SMARCA1: variants seen among roughly 807,000 people sequenced by gnomAD.
SMARCA1 encodes SNF2 related chromatin remodeling ATPase 1.
In SMARCA1, 17 loss-of-function variants were observed where a neutral mutation model predicts 93.6. That is an observed-to-expected ratio of 0.18 (90% CI 0.12 to 0.27). The LOEUF (loss-of-function observed/expected upper bound fraction) is 0.27, where lower values mean the gene tolerates loss of function less well. Among genes scored for constraint, SMARCA1 ranks in the 10% least tolerant of loss-of-function variants. SMARCA1 has a pLI of 1.00. For synonymous variants in SMARCA1, 271 were observed against 271.4 expected, an observed-to-expected ratio of 1.00 and a Z score of 0.01; for missense variants, 630 against 819.0, an observed-to-expected ratio of 0.77 and a Z score of 2.82.
At chrX:129,463,934 A>G (rs911709812) in intron 23 of SMARCA1, among the ~76,000 whole-genome samples, 1 of 111,776 alleles carries the variant, frequency 8.9e-6, no homozygotes, top group Non-Finnish European at 1.9e-5. Context: ...GTGAAACTCC[A>G]TCTCAAAATA....
At chrX:129,452,200 C>T (rs1050846549) in intron 23 of SMARCA1, among the ~76,000 whole-genome samples, 3 of 112,404 alleles carry the variant, frequency 2.7e-5, no homozygotes, top group Non-Finnish European at 5.6e-5. Context: ...TCTATAATTT[C>T]TCCTTTCATA....
chrX:129,502,273 G>A (rs1023327925), intron 9 of SMARCA1, among the ~76,000 whole-genome samples: 2 of 111,567 alleles, frequency 1.8e-5, no homozygotes, highest in South Asian at 3.8e-4. Context: ...GATCCCCAGG[G>A]AGAGCATGTA....
In SMARCA1 at chrX:129,473,921, T is replaced by C. The variant is rs748391231; in HGVS notation, c.2443-2595A>G. ...GTGAAAAAACATTGAATGGTACACT[T>C]AAGGTTTATATATTTCACTCTATGT... On this transcript the variant is annotated intron_variant, in intron 19 of 24. Coordinates refer to ENST00000371121, the MANE Select transcript of SMARCA1 (RefSeq NM_001282874.2). Among the ~76,000 whole-genome samples the C allele has an allele frequency of 6.3e-5, 7 of 111,598 alleles. No individual in the cohort carries two copies. The South Asian group carries it at 2.3e-3, about 36-fold the overall frequency.
chrX:129,494,294 T>C (rs996909306), intron 12 of SMARCA1, among the ~76,000 whole-genome samples: 1 of 111,699 alleles, frequency 9.0e-6, no homozygotes, highest in Admixed American at 9.5e-5. Flanking sequence ...TTATTTAGTA[T>C]GGATTCAGGG....
At chrX:129,488,373 C>A (rs772642081) in intron 16 of SMARCA1, among the ~76,000 whole-genome samples, 43 of 105,981 alleles carry the variant, frequency 4.1e-4, no homozygotes, top group African/African-American at 1.3e-3. Flanking sequence ...CTTTGGGAGG[C>A]AGAGGTGGGA....
chrX:129,447,310 T>C lies in SMARCA1; in HGVS notation c.3142-77A>G, dbSNP rs1932054222. Reference sequence around the variant, plus strand: ...GCCCAACAATGTTAAATCTAGGATGTAAATGCATTAAAAAAAAATTTTAAC... The same window carrying C: ...GCCCAACAATGTTAAATCTAGGATGCAAATGCATTAAAAAAAAATTTTAAC... On this transcript the variant is annotated intron_variant, in intron 24 of 24. Transcript: ENST00000371121. 3 of 1,034,145 alleles carry C rather than the reference T, an allele frequency of 2.9e-6. No individual in the cohort carries two copies. In the African/African-American group the frequency reaches 5.8e-5, roughly 20 times the overall value. 85.2% of individuals were successfully genotyped at this position (1,034,145 alleles called of 1,213,427 possible).
intron 19 of SMARCA1, among the ~76,000 whole-genome samples, chrX:129,480,216 T>C (rs1200812082): frequency 1.8e-5 from 2 of 112,222 alleles, no homozygotes; most frequent in Non-Finnish European, 3.8e-5. Flanking sequence ...CATTTTAAAA[T>C]TGTATAATTC....
intron 23 of SMARCA1, among the ~76,000 whole-genome samples, chrX:129,461,217 A>G (rs1431207365): frequency 8.9e-6 from 1 of 111,972 alleles, no homozygotes; most frequent in Non-Finnish European, 1.9e-5. Context: ...TGGCTGGAAA[A>G]GGAAAAATCT....
chrX:129,519,799 A>G (rs1935324315), intron 1 of SMARCA1, among the ~76,000 whole-genome samples: 2 of 111,945 alleles, frequency 1.8e-5, no homozygotes, highest in African/African-American at 6.5e-5. Context: ...CAACAAGAAA[A>G]ATTGGGTATC....
At chrX:129,511,369 GTGTAC>G in intron 6 of SMARCA1, among the ~76,000 whole-genome samples, 1 of 112,053 alleles carries the variant, frequency 8.9e-6, no homozygotes, top group Admixed American at 9.5e-5. Context: ...ATATGCGTGT[GTGTAC>G]ACCAAGTCAA....
At chrX:129,462,832 C>T (rs752322169) in intron 23 of SMARCA1, among the ~76,000 whole-genome samples, 135 of 107,656 alleles carry the variant, frequency 1.3e-3, no homozygotes, top group African/African-American at 4.4e-3. Flanking sequence ...TTACATTTCT[C>T]GGTAAAGAAA....
chrX:129,504,569 A>AAAAAAAAAAAAAAAAAC (rs1934724896), intron 9 of SMARCA1, among the ~76,000 whole-genome samples, 165 bp downstream of exon 9: 1 of 98,383 alleles, frequency 1.0e-5, no homozygotes, highest in African/African-American at 4.1e-5. Flanking sequence ...AAAAAAAAAA[A>AAAAAAAAAAAAAAAAAC]AAAAAAAAAA....
chrX:129,479,126 G>A (rs928511379), intron 19 of SMARCA1, among the ~76,000 whole-genome samples: 2 of 111,773 alleles, frequency 1.8e-5, no homozygotes, highest in African/African-American at 6.5e-5. Flanking sequence ...ATTATAAAAT[G>A]TTCTATGCAA....
intron 17 of SMARCA1, among the ~76,000 whole-genome samples, chrX:129,485,753 A>G (rs987552369): frequency 5.4e-5 from 6 of 111,103 alleles, no homozygotes; most frequent in African/African-American, 1.6e-4. Flanking sequence ...CTCTCATTCT[A>G]TTAGTTCCTG....
At chrX:129,447,587 G>T (rs1198326988) in intron 24 of SMARCA1, among the ~76,000 whole-genome samples, 1 of 111,237 alleles carries the variant, frequency 9.0e-6, no homozygotes, top group East Asian at 2.8e-4. Context: ...CTTATGATAG[G>T]TTTTAACATA....
At chrX:129,456,292 A>T (rs1418341695) in intron 23 of SMARCA1, among the ~76,000 whole-genome samples, 2 of 111,715 alleles carry the variant, frequency 1.8e-5, no homozygotes, top group Non-Finnish European at 3.8e-5. Flanking sequence ...TCCTCAAAAA[A>T]AGATTCCTTT....
chrX:129,475,309 AG>A (rs1356409047), intron 19 of SMARCA1, among the ~76,000 whole-genome samples: 1 of 110,344 alleles, frequency 9.1e-6, no homozygotes, highest in Non-Finnish European at 1.9e-5. Context: ...ACCTGAGGTC[AG>A]GAGTTCAAGA....
chrX:129,491,742 G>C (rs1163463659), intron 14 of SMARCA1, among the ~76,000 whole-genome samples, 199 bp downstream of exon 14: 2 of 111,495 alleles, frequency 1.8e-5, no homozygotes, highest in Non-Finnish European at 3.8e-5. Flanking sequence ...GTTGGATCTG[G>C]GGTGTGTTTG....
In SMARCA1 at chrX:129,523,320, C is replaced by T; in HGVS notation, c.51G>A (p.Ala17=). The change falls in exon 1 of 25, where the codon GCG becomes GCA. Residue 17 remains alanine, a synonymous_variant. Coordinates refer to ENST00000371121, the MANE Select transcript of SMARCA1 (RefSeq NM_001282874.2). ...CCTCTATGACCACGATAGTGGCGGT[C>T]GCATCCGCGGCTGCCACGGTGGCTG... The part of the protein sequence containing the change: ...AVAATVAAAD[A]TATIVVIEDE... 8.3e-7 allele frequency: 1 copy of T among 1,202,316 alleles called. No individual in the cohort carries two copies. Among genetic ancestry groups the T allele is most frequent in the Non-Finnish European group, 1.1e-6 (1 of 892,468 alleles).
Sources: allele counts gnomAD v4.1 joint callset (sites outside exome capture counted in the v4.1 genomes callset), GRCh38; gene constraint gnomAD v4.1.1; transcripts MANE v1.5; gene names NCBI Gene and HGNC (gene_info 2026-07-23, HGNC 2026-07-21).